PLXNA4: variants seen among roughly 807,000 people sequenced by gnomAD.
PLXNA4 encodes the protein plexin A4.
Under a neutral mutation model 191.8 loss-of-function variants are expected in PLXNA4, and 44 were observed. The ratio of observed to expected loss-of-function variants is 0.23; its 90% CI spans 0.18 to 0.29. PLXNA4 has a LOEUF of 0.29. Among genes scored for constraint, PLXNA4 ranks in the 10% least tolerant of loss-of-function variants. The pLI is 1.00. For synonymous variants in PLXNA4, 1,082 were observed against 1,009.5 expected (o/e 1.07, Z -1.36); for missense variants, 1,800 against 2,488.8 (o/e 0.72, Z 5.89).
chr7:132,148,692 T>C (rs2116578074), intron 25 of PLXNA4, 46 bp from the exon 26 acceptor site: 1 of 1,612,830 alleles, frequency 6.2e-7, no homozygotes, highest in South Asian at 1.1e-5. Context: ...ATGACCCCTC[T>C]TGTGGGGAAG....
chr7:132,581,590 C>T (rs558328209), upstream of PLXNA4, among the ~76,000 whole-genome samples: 37 of 152,346 alleles, frequency 2.4e-4, no homozygotes, highest in Admixed American at 1.9e-3. Context: ...CTCTGCATTG[C>T]CAGCTCTGTG....
intron 21 of PLXNA4, among the ~76,000 whole-genome samples, chr7:132,171,489 C>G (rs1796284950): frequency 2.0e-5 from 3 of 152,228 alleles, no homozygotes; most frequent in African/African-American, 7.2e-5. Context: ...CGTGCAGGGC[C>G]TCCCACCAGC....
intron 4 of PLXNA4, among the ~76,000 whole-genome samples, chr7:132,255,461 T>A (rs891750014): frequency 2.6e-5 from 4 of 152,186 alleles, no homozygotes; most frequent in African/African-American, 9.7e-5. Context: ...GGCCAACTCA[T>A]CTTTTGGGTT....
chr7:132,129,842 AG>A lies in PLXNA4; in HGVS notation c.*636del, dbSNP rs1794875706. On this transcript the variant is annotated 3_prime_UTR_variant, in exon 32 of 32. Transcript: ENST00000321063. ...ACAGGAAGCCTCTGGACACCAGCCC[AG>A]TGGGGGAGAAGGAGCCTCAAGGAGC... The A allele has an allele frequency of 6.5e-6, 1 of 153,098 alleles. No homozygotes were observed. Among genetic ancestry groups the A allele is most frequent in the Non-Finnish European group, 1.5e-5 (1 of 68,412 alleles). The allele number at this position is 153,098 out of a possible 1,614,324, so 9.5% of individuals were successfully genotyped here.
At chr7:132,595,978 A>T (rs1802704024) in intron 2 of PLXNA4, among the ~76,000 whole-genome samples, 1 of 152,340 alleles carries the variant, frequency 6.6e-6, no homozygotes, top group South Asian at 2.1e-4. Flanking sequence ...ATTATCTAAC[A>T]TCAAGTCCCT....
chr7:132,321,210 AGCTTGGCAGG>A (rs1802150686), intron 3 of PLXNA4, among the ~76,000 whole-genome samples: 1 of 152,154 alleles, frequency 6.6e-6, no homozygotes, highest in Admixed American at 6.5e-5. Context: ...CAAAGAGAAG[AGCTTGGCAGG>A]GGTTGGTTAA....
chr7:132,389,028 A>T (rs1354798418), intron 3 of PLXNA4, among the ~76,000 whole-genome samples: 1 of 152,116 alleles, frequency 6.6e-6, no homozygotes, highest in Non-Finnish European at 1.5e-5. Context: ...AGTGATGATG[A>T]GCTTTTTTTC....
chr7:132,628,874 C>G (rs145785052), intron 2 of PLXNA4, among the ~76,000 whole-genome samples: 1 of 152,200 alleles, frequency 6.6e-6, no homozygotes, highest in Non-Finnish European at 1.5e-5. Context: ...TTCTACACTA[C>G]GCCTTGCATT....
intron 3 of PLXNA4, among the ~76,000 whole-genome samples, chr7:132,340,477 G>A (rs1200227042): frequency 6.6e-6 from 1 of 152,178 alleles, no homozygotes; most frequent in African/African-American, 2.4e-5. Context: ...CAGATCCTCT[G>A]TCACCTTCTA....
chr7:132,223,429 C>T, intron 9 of PLXNA4, 98 bp downstream of exon 9: 2 of 1,029,800 alleles, frequency 1.9e-6, no homozygotes, highest in South Asian at 1.4e-5. Flanking sequence ...TGGTCCTGCA[C>T]AGTTTTCCTT....
intron 21 of PLXNA4, among the ~76,000 whole-genome samples, chr7:132,172,725 G>C (rs1160091314): frequency 6.6e-6 from 1 of 150,456 alleles, no homozygotes; most frequent in Non-Finnish European, 1.5e-5. Context: ...TAACTAACCT[G>C]CACATTGTGC....
At chr7:132,131,330 AC>A (rs1794919513) in intron 31 of PLXNA4, among the ~76,000 whole-genome samples, 2 of 151,922 alleles carry the variant, frequency 1.3e-5, no homozygotes, top group African/African-American at 4.8e-5. Context: ...CAAACAGGTA[AC>A]CTGTCTGAAC....
At chr7:132,534,522 C>T (rs1448280803) in intron 1 of PLXNA4, among the ~76,000 whole-genome samples, 26 of 152,094 alleles carry the variant, frequency 1.7e-4, no homozygotes, top group Admixed American at 1.6e-3. Context: ...GGTGCCTGCC[C>T]GTGAGTGTTG....
In PLXNA4 at chr7:132,406,282, C is replaced by T. The variant is rs189450869; in HGVS notation, c.1371+83010G>A. Among the ~76,000 whole-genome samples, 8 of 152,276 alleles carry T rather than the reference C, an allele frequency of 5.3e-5. No homozygotes were observed. The East Asian group carries it at 7.7e-4, about 15-fold the overall frequency. On this transcript the variant is annotated intron_variant, in intron 3 of 31. Transcript: ENST00000321063. The stretch of plus-strand genomic sequence containing the variant: ...CACACAATGGTCTGAGTATTTTTTC[C>T]GTGGCCCATAAATGAAGCTGACATT...
chr7:132,228,097 G>A (rs1261279422), intron 6 of PLXNA4, among the ~76,000 whole-genome samples: 1 of 152,042 alleles, frequency 6.6e-6, no homozygotes, highest in African/African-American at 2.4e-5. Flanking sequence ...GTCATTTTTG[G>A]TGATGGTGCT....
Position 132,159,611 on chromosome 7 carries a change from C to T in PLXNA4, c.4522G>A (p.Asp1508Asn). 6.2e-7 allele frequency: 1 copy of T among 1,614,116 alleles called. No individual in the cohort carries two copies. The highest frequency in any genetic ancestry group is 2.2e-5 in the East Asian group (1 of 44,862). The change falls in exon 25 of 32, where the codon GAC (aspartate) becomes AAC (asparagine). Residue 1508 changes from aspartate (D) to asparagine (N), a missense_variant. Asp to Asn is a conservative substitution (Grantham distance 23, BLOSUM62 1). Transcript: ENST00000321063. ...KTLVLSCVSP[D>N]NANSPEVPVK... ...GGGACCTCGGGGCTGTTGGCATTGT[C>T]TGGGCTGACACAGCTCAGGACCTGA... is the stretch of plus-strand genomic sequence containing the variant.
At chr7:132,338,816 C>T (rs1288153730) in intron 3 of PLXNA4, among the ~76,000 whole-genome samples, 3 of 152,178 alleles carry the variant, frequency 2.0e-5, no homozygotes, top group African/African-American at 4.8e-5. Context: ...CACCCACTTC[C>T]CTCGTCAGGT....
rs192461535 is a variant in PLXNA4 at position 132,546,002 on chromosome 7, C to T, written c.-87+30420G>A. ...AGTAGTCAGTCACCTTTGATAACCA[C>T]AATCATCATTAGTGAGTCCAACAGG... is the stretch of plus-strand genomic sequence containing the variant. On this transcript the variant is annotated intron_variant, in intron 1 of 31. Transcript: ENST00000321063. 7.6e-4 allele frequency among the ~76,000 whole-genome samples: 116 copies of T among 152,352 alleles called. 2 individuals carry two copies. The highest frequency in any genetic ancestry group is 1.4e-3 in the Non-Finnish European group (95 of 68,036).
At chr7:132,176,780 G>A (rs1287276063) in intron 20 of PLXNA4, among the ~76,000 whole-genome samples, 1 of 152,138 alleles carries the variant, frequency 6.6e-6, no homozygotes, top group African/African-American at 2.4e-5. Flanking sequence ...ATGAGTGTGT[G>A]TGTATGCTTG....
Sources: gnomAD v4.1 joint callset for allele counts (sites outside exome capture counted in the v4.1 genomes callset) on GRCh38, gnomAD v4.1.1 for gene constraint, MANE v1.5 for transcripts, NCBI Gene and HGNC (gene_info 2026-07-23, HGNC 2026-07-21) for gene names.